PPP1R13B: variants seen among roughly 807,000 people sequenced by gnomAD.
PPP1R13B encodes the protein protein phosphatase 1 regulatory subunit 13B.
In PPP1R13B, 44 loss-of-function variants were observed where a neutral mutation model predicts 119.8. That is an observed-to-expected ratio of 0.37 (90% CI 0.29 to 0.47). PPP1R13B has a LOEUF of 0.47. Ranked by LOEUF, PPP1R13B falls within the 20% of genes least tolerant of loss-of-function variation. The probability of loss-of-function intolerance (pLI) is 0.99; values close to 1 mark genes in which losing one functional copy is unlikely to be tolerated. For synonymous variants in PPP1R13B, 542 were observed against 561.5 expected, an observed-to-expected ratio of 0.97 and a Z score of 0.49; for missense variants, 1,227 against 1,413.5, an observed-to-expected ratio of 0.87 and a Z score of 2.12.
At chr14:103,766,370 T>C (rs78536229) in intron 4 of PPP1R13B, among the ~76,000 whole-genome samples, 1 of 152,138 alleles carries the variant, frequency 6.6e-6, no homozygotes, top group Admixed American at 6.5e-5. Context: ...GGGCAGCTGG[T>C]TGACTGGCTT....
chr14:103,841,695 T>C (rs2086913356), intron 1 of PPP1R13B, among the ~76,000 whole-genome samples: 3 of 152,252 alleles, frequency 2.0e-5, no homozygotes. Flanking sequence ...CACCTAATTC[T>C]TAATTAAAAA....
chr14:103,797,474 T>C lies in PPP1R13B; in HGVS notation c.54A>G (p.Thr18=), dbSNP rs1364138835. ...TTGTTTCCGGTGTTATAGGAACTTC[T>C]GTTAAAATCTGTTCATTGTTGCTCA... ...VFLSNNEQIL[T]EVPITPETTC... Residue 18 remains threonine (T), a synonymous_variant, in exon 2 of 17, where the codon ACA becomes ACG. Transcript: ENST00000202556. 38 of 1,613,578 alleles carry C rather than the reference T, an allele frequency of 2.4e-5. No individual in the cohort carries two copies. The highest frequency in any genetic ancestry group is 6.7e-5 in the East Asian group (3 of 44,878).
At chr14:103,772,609 GCTTA>G (rs2085097524) in intron 4 of PPP1R13B, among the ~76,000 whole-genome samples, 1 of 151,578 alleles carries the variant, frequency 6.6e-6, no homozygotes, top group Non-Finnish European at 1.5e-5. Flanking sequence ...CTTTCCATGT[GCTTA>G]CTTGACATTC....
intron 4 of PPP1R13B, among the ~76,000 whole-genome samples, chr14:103,766,808 T>C (rs2084949661): frequency 1.3e-5 from 2 of 152,138 alleles, no homozygotes; most frequent in South Asian, 4.1e-4. Flanking sequence ...GGTTTCACCA[T>C]GTTGGCCAGG....
Position 103,738,950 on chromosome 14 carries a change from A to G in PPP1R13B, c.2666T>C (p.Leu889Pro), listed in dbSNP as rs2084179532. 2 of 1,614,090 alleles carry G rather than the reference A, an allele frequency of 1.2e-6. No individual in the cohort carries two copies. The highest frequency in any genetic ancestry group is 1.7e-6 in the Non-Finnish European group (2 of 1,180,012). The change falls in exon 13 of 17, where the codon CTG becomes CCG. Residue 889 changes from leucine (L) to proline (P), a missense_variant. Transcript: ENST00000202556. This position sits in a 1 kb window ranked among gnomAD's most constrained non-coding sequence, Gnocchi z 5.6. ...CAGAGACGCGTCTAGGAGCAGTGCC[A>G]GGGGGTTAAACCGGACTCTCAGCCC... Reference protein sequence around the residue: ...GHGLRVRFNPLALLLDASLEG... With the variant: ...GHGLRVRFNPPALLLDASLEG...
chr14:103,802,542 A>G (rs898306372), intron 1 of PPP1R13B, among the ~76,000 whole-genome samples: 5 of 152,178 alleles, frequency 3.3e-5, no homozygotes, highest in Non-Finnish European at 7.3e-5. Context: ...GTTTGCTCTC[A>G]ACGCTCTGAG....
chr14:103,846,634 G>A (rs1035048824), intron 1 of PPP1R13B: 8 of 421,284 alleles, frequency 1.9e-5, no homozygotes, highest in Non-Finnish European at 3.3e-5. Context: ...GGGAAGGGTC[G>A]GTAGGACGAT....
chr14:103,814,207 G>A (rs1331543135), intron 1 of PPP1R13B, among the ~76,000 whole-genome samples: 2 of 152,010 alleles, frequency 1.3e-5, no homozygotes, highest in South Asian at 2.1e-4. Flanking sequence ...ATATTAGCCG[G>A]GCATGGTGGC....
intron 4 of PPP1R13B, among the ~76,000 whole-genome samples, chr14:103,770,207 T>C (rs1441370066): frequency 6.6e-6 from 1 of 151,940 alleles, no homozygotes; most frequent in African/African-American, 2.4e-5. Context: ...ATGAATAAAT[T>C]TTAATCATAA....
In PPP1R13B at chr14:103,824,492, G is replaced by C. The variant is rs188108731; in HGVS notation, c.9+22807C>G. Among the ~76,000 whole-genome samples the C allele has an allele frequency of 3.9e-3, 585 of 151,496 alleles. 5 individuals carry two copies. Among genetic ancestry groups the C allele is most frequent in the African/African-American group, 0.014 (559 of 41,382 alleles). On this transcript the variant is annotated intron_variant, in intron 1 of 16. Transcript: ENST00000202556. The stretch of plus-strand genomic sequence containing the variant: ...GGGCGGATCACGAGGTCAGGAGTTC[G>C]AGACTAGCCTGGCCAATATGGTGAA...
upstream of PPP1R13B, chr14:103,848,221 G>T (rs1478730569): frequency 9.2e-6 from 9 of 983,228 alleles, no homozygotes; most frequent in Non-Finnish European, 9.7e-6. Context: ...GCCTTCGCCC[G>T]AGCGATCTCC....
intron 9 of PPP1R13B, 26 bp downstream of exon 9, chr14:103,746,347 C>G (rs1466794498): frequency 5.8e-6 from 7 of 1,198,160 alleles, no homozygotes; most frequent in Admixed American, 2.7e-5. Context: ...AAACTCTCCC[C>G]CAGGAAGAGG....
intron 1 of PPP1R13B, among the ~76,000 whole-genome samples, chr14:103,813,583 G>A (rs2086209163): frequency 6.6e-6 from 1 of 152,138 alleles, no homozygotes; most frequent in Admixed American, 6.6e-5. Flanking sequence ...CTGTGAAGAG[G>A]TGCCTTCCGC....
intron 1 of PPP1R13B, among the ~76,000 whole-genome samples, chr14:103,829,087 T>C (rs979443305): frequency 4.6e-5 from 7 of 152,204 alleles, no homozygotes; most frequent in South Asian, 4.1e-4. Flanking sequence ...CCAGACATAG[T>C]AGGATTCTAA....
At chr14:103,749,428 C>T (rs913783859) in intron 8 of PPP1R13B, among the ~76,000 whole-genome samples, 3 of 152,144 alleles carry the variant, frequency 2.0e-5, no homozygotes, top group Admixed American at 6.5e-5. Flanking sequence ...CATGAGGCTA[C>T]GCAAGTCAAA....
chr14:103,836,389 C>A (rs1193555127), intron 1 of PPP1R13B, among the ~76,000 whole-genome samples: 2 of 152,120 alleles, frequency 1.3e-5, no homozygotes, highest in Non-Finnish European at 2.9e-5. Context: ...GCTCTAAGCA[C>A]CTGACAATCC....
intron 1 of PPP1R13B, among the ~76,000 whole-genome samples, chr14:103,820,491 CTT>C (rs748580102): frequency 7.7e-5 from 11 of 142,414 alleles, no homozygotes; most frequent in Non-Finnish European, 9.3e-5. Flanking sequence ...CACATTAGTC[CTT>C]TTTTTTTTTT....
chr14:103,815,582 G>C (rs8018363), intron 1 of PPP1R13B, among the ~76,000 whole-genome samples: 88,039 of 151,600 alleles, frequency 0.58, 27,526 homozygotes, highest in African/African-American at 0.84. Flanking sequence ...ATGGTGAAAC[G>C]CTGTCTCTAC....
At chr14:103,777,800 T>TAAAAA (rs10658393) in intron 4 of PPP1R13B, among the ~76,000 whole-genome samples, 1 of 141,016 alleles carries the variant, frequency 7.1e-6, no homozygotes, top group African/African-American at 2.6e-5. Flanking sequence ...AAAAAGCAAT[T>TAAAAA]AAAAAAAAAA....
Sources: allele counts gnomAD v4.1 joint callset (sites outside exome capture counted in the v4.1 genomes callset), GRCh38; gene constraint gnomAD v4.1.1; non-coding constraint Gnocchi (gnomAD v3.1); transcripts MANE v1.5; gene names NCBI Gene and HGNC (gene_info 2026-07-23, HGNC 2026-07-21).